CACNG2: variants seen among roughly 807,000 people sequenced by gnomAD.
CACNG2 encodes voltage-dependent calcium channel gamma-2 subunit.
A neutral mutation model predicts 25.9 loss-of-function variants in CACNG2; 3 were observed. The observed-to-expected ratio is 0.12, with a 90% confidence interval of 0.05 to 0.30. CACNG2 has a LOEUF of 0.30. Among genes scored for constraint, CACNG2 ranks in the 10% least tolerant of loss-of-function variants. The pLI is 1.00. For missense variants in CACNG2, 341 were observed against 432.5 expected (o/e 0.79, Z 1.88); for synonymous variants, 167 against 173.3 (o/e 0.96, Z 0.29).
chr22:36,582,692 C>T (rs895411903), intron 2 of CACNG2, among the ~76,000 whole-genome samples: 4 of 151,668 alleles, frequency 2.6e-5, no homozygotes, highest in East Asian at 1.9e-4. Context: ...TACAGGCACC[C>T]GCCACCACGC....
In CACNG2 at chr22:36,594,171, A is replaced by G. The variant is rs562070468; in HGVS notation, c.212-6623T>C. On this transcript the variant is annotated intron_variant, in intron 1 of 3. Coordinates refer to ENST00000300105, the MANE Select transcript of CACNG2 (RefSeq NM_006078.5). ...TTTCCTCCCAACTAGCTTCATTCCT[A>G]GGCACCCTCTGTCCCTGTGGTAGAG... Among the ~76,000 whole-genome samples the G allele has an allele frequency of 3.3e-5, 5 of 152,238 alleles. No homozygotes were observed. In the South Asian group the frequency reaches 1.0e-3, roughly 32 times the overall value.
At chr22:36,659,996 C>T (rs376633915) in intron 1 of CACNG2, among the ~76,000 whole-genome samples, 17 of 152,350 alleles carry the variant, frequency 1.1e-4, no homozygotes, top group African/African-American at 4.1e-4. Flanking sequence ...GCACTGACTG[C>T]CCAGCCTCCT....
chr22:36,684,473 C>T (rs913021437), intron 1 of CACNG2, among the ~76,000 whole-genome samples: 1 of 151,790 alleles, frequency 6.6e-6, no homozygotes, highest in Non-Finnish European at 1.5e-5. Flanking sequence ...AAAAATGAGC[C>T]GGTGTGATGG....
chr22:36,652,279 A>G (rs185780516), intron 1 of CACNG2, among the ~76,000 whole-genome samples: 1 of 152,006 alleles, frequency 6.6e-6, no homozygotes, highest in Non-Finnish European at 1.5e-5. Context: ...GTCTCCAGGC[A>G]TGCCCATGTG....
At chr22:36,577,477 C>T (rs142379552) in intron 2 of CACNG2, among the ~76,000 whole-genome samples, 130 of 151,940 alleles carry the variant, frequency 8.6e-4, no homozygotes, top group African/African-American at 2.6e-3. Flanking sequence ...TGGTGAAACC[C>T]GGTCTCTACT....
intron 1 of CACNG2, among the ~76,000 whole-genome samples, chr22:36,595,393 G>A (rs1185477091): frequency 6.6e-6 from 1 of 152,202 alleles, no homozygotes; most frequent in Non-Finnish European, 1.5e-5. Context: ...GAAATCAGCC[G>A]TGGTAGGTGT....
chr22:36,607,618 C>T (rs117290764), intron 1 of CACNG2, among the ~76,000 whole-genome samples: 529 of 152,294 alleles, frequency 3.5e-3, no homozygotes, highest in Non-Finnish European at 5.1e-3. Context: ...TCAAACACCA[C>T]CTACACCATT....
At chr22:36,637,859 T>C (rs1936381085) in intron 1 of CACNG2, among the ~76,000 whole-genome samples, 1 of 151,990 alleles carries the variant, frequency 6.6e-6, no homozygotes, top group Non-Finnish European at 1.5e-5. Context: ...CTGTCTCTAC[T>C]AAAAATATAA....
chr22:36,655,603 T>C (rs946731121), intron 1 of CACNG2, among the ~76,000 whole-genome samples: 2 of 152,204 alleles, frequency 1.3e-5, no homozygotes, highest in Admixed American at 6.5e-5. Flanking sequence ...TTAGTAAATG[T>C]TTGCTGAATG....
chr22:36,600,221 G>T (rs1411585777), intron 1 of CACNG2, among the ~76,000 whole-genome samples: 3 of 152,168 alleles, frequency 2.0e-5, no homozygotes, highest in Admixed American at 1.3e-4. Flanking sequence ...CAACGAGAAA[G>T]AAATAAACTA....
chr22:36,583,422 G>C (rs1377707745), intron 2 of CACNG2, among the ~76,000 whole-genome samples: 1 of 143,286 alleles, frequency 7.0e-6, no homozygotes, highest in African/African-American at 2.7e-5. Context: ...GACAGAGCAA[G>C]ATTCCGTCTC....
At chr22:36,679,197 C>CTTTCTTTCTTTCTTTCTTTCTTTCTTT (rs1937060219) in intron 1 of CACNG2, among the ~76,000 whole-genome samples, 19 of 54,828 alleles carry the variant, frequency 3.5e-4, no homozygotes, top group African/African-American at 1.3e-3. Flanking sequence ...TTCCTTCCTT[C>CTTTCTTTCTTTCTTTCTTTCTTTCTTT]CTTTCTTTCT....
chr22:36,597,500 G>A (rs1173797468), intron 1 of CACNG2, among the ~76,000 whole-genome samples: 1 of 152,174 alleles, frequency 6.6e-6, no homozygotes, highest in African/African-American at 2.4e-5. Flanking sequence ...TCACCGAGGG[G>A]GTAAGGGGAT....
intron 1 of CACNG2, among the ~76,000 whole-genome samples, chr22:36,699,237 T>TCACACACACACACACA (rs3076293): frequency 3.8e-4 from 54 of 141,898 alleles, no homozygotes; most frequent in African/African-American, 1.3e-3. Flanking sequence ...GATTTCAAGT[T>TCACACACACACACACA]CACACACACA....
At chr22:36,609,797 A>G (rs915023877) in intron 1 of CACNG2, among the ~76,000 whole-genome samples, 3 of 150,502 alleles carry the variant, frequency 2.0e-5, no homozygotes, top group Admixed American at 2.0e-4. Flanking sequence ...GTGATCAGGC[A>G]GGAATCAGTC....
rs1292241207 is a variant in CACNG2, at chr22:36,564,569, C to T, written c.754G>A (p.Ala252Thr). ...RSTEPSHSRD[A>T]SPVGIKGFNT... Reference sequence around the variant, plus strand: ...AAGCCCTTGATGCCCACGGGGGAGGCGTCCCTGGAGTGTGAGGGCTCCGTG... The same window carrying T: ...AAGCCCTTGATGCCCACGGGGGAGGTGTCCCTGGAGTGTGAGGGCTCCGTG... Residue 252 changes from alanine to threonine, a missense_variant, in exon 4 of 4, where the codon GCC becomes ACC. By Grantham distance (58) the Ala-to-Thr change is moderately conservative. Around this residue, in one of 2 missense-constraint regions of CACNG2, gnomAD observed 172 missense variants for 178.1 expected, o/e 0.97. Transcript: ENST00000300105. The surrounding 1 kb of genome is among the most constrained non-coding windows in gnomAD (Gnocchi z 6.7). The T allele has an allele frequency of 1.2e-6, 2 of 1,613,888 alleles. No homozygotes were observed. Among genetic ancestry groups the T allele is most frequent in the African/African-American group, 2.7e-5 (2 of 74,902 alleles).
intron 1 of CACNG2, among the ~76,000 whole-genome samples, chr22:36,617,554 A>G (rs931016106): frequency 6.6e-6 from 1 of 151,276 alleles, no homozygotes; most frequent in Admixed American, 6.6e-5. Context: ...TGAAAAAGAT[A>G]TATAATCATA....
intron 1 of CACNG2, among the ~76,000 whole-genome samples, chr22:36,593,406 A>G (rs1935627149): frequency 6.6e-6 from 1 of 152,148 alleles, no homozygotes; most frequent in East Asian, 1.9e-4. Context: ...GTAGGCTGGG[A>G]TGTGTTTCAC....
intron 1 of CACNG2, among the ~76,000 whole-genome samples, chr22:36,696,494 C>T (rs1293919694): frequency 1.3e-5 from 2 of 152,210 alleles, no homozygotes; most frequent in East Asian, 3.8e-4. Context: ...CCTTTCTGAA[C>T]ACCCACACTG....
Sources: allele counts gnomAD v4.1 joint callset (sites outside exome capture counted in the v4.1 genomes callset), GRCh38; gene constraint gnomAD v4.1.1; regional missense constraint gnomAD v4.1.1; non-coding constraint Gnocchi (gnomAD v3.1); transcripts MANE v1.5; gene names NCBI Gene and HGNC (gene_info 2026-07-23, HGNC 2026-07-21).